The following PPFIA1 variants were observed in gnomAD, a reference collection of about 807,000 sequenced individuals.
PPFIA1 encodes the protein PPFI scaffold protein A1, also known as liprin-alpha-1.
PPFIA1 carries 25 observed loss-of-function variants against 149.9 expected under a neutral mutation model. That is an observed-to-expected ratio of 0.17 (90% CI 0.12 to 0.23). The LOEUF (loss-of-function observed/expected upper bound fraction) is 0.23, where lower values mean the gene tolerates loss of function less well. PPFIA1 is among the 10% of genes least tolerant of loss of function. The pLI is 1.00. For synonymous variants in PPFIA1, 549 were observed against 552.8 expected (o/e 0.99, Z 0.10); for missense variants, 1,362 against 1,506.5 (o/e 0.90, Z 1.59).
chr11:70,382,175 A>G lies in PPFIA1; in HGVS notation c.*12+17A>G. 1 of 1,603,708 alleles carries G rather than the reference A, an allele frequency of 6.2e-7. No individual in the cohort carries two copies. The highest frequency in any genetic ancestry group is 8.5e-7 in the Non-Finnish European group (1 of 1,172,130). ...CTCCTGTTGGTGAGTAGAGAGCACCACAACCCCTAGAGATGGCTCAGAGGC... is the reference window on the plus strand; with the variant it reads ...CTCCTGTTGGTGAGTAGAGAGCACCGCAACCCCTAGAGATGGCTCAGAGGC... On this transcript the variant is annotated intron_variant, in intron 27 of 27. Transcript: ENST00000253925.
chr11:70,309,581 A>G (rs1005518683), intron 2 of PPFIA1, among the ~76,000 whole-genome samples: 14 of 152,164 alleles, frequency 9.2e-5, no homozygotes, highest in African/African-American at 3.1e-4. Flanking sequence ...AGAATGATAA[A>G]AGTACAGGAA....
Position 70,338,383 on chromosome 11 carries a change from G to A in PPFIA1, c.1501G>A (p.Val501Ile), listed in dbSNP as rs1246013851. Reference sequence around the variant, plus strand: ...TTTTGCTTTTCTGTAGGATCAGCTTGTCCTAAACATTGAAGCACTGAGGGC... The same window carrying A: ...TTTTGCTTTTCTGTAGGATCAGCTTATCCTAAACATTGAAGCACTGAGGGC... ...EETQHDKDQL[V>I]LNIEALRAEL... Residue 501 changes from valine to isoleucine, a missense_variant, in exon 13 of 28, where the codon GTC (valine) becomes ATC (isoleucine). Physicochemically the swap from Val to Ile is conservative, Grantham distance 29. This residue lies in a region of PPFIA1 where 733 missense variants were observed against 744.1 expected (regional missense o/e 0.99). Transcript: ENST00000253925. The A allele has an allele frequency of 2.5e-6, 4 of 1,612,024 alleles. No homozygotes were observed. The highest frequency in any genetic ancestry group is 3.3e-5 in the Admixed American group (2 of 59,960).
chr11:70,279,354 C>T lies in PPFIA1; in HGVS notation c.264+6918C>T, dbSNP rs1032075992. Reference sequence around the variant, plus strand: ...GCAGAGAAAGGACTAATCAGACACACAGCAAGATCTCACCATCTACTCATT... The same window carrying T: ...GCAGAGAAAGGACTAATCAGACACATAGCAAGATCTCACCATCTACTCATT... On this transcript the variant is annotated intron_variant, in intron 2 of 27. Coordinates refer to ENST00000253925, the MANE Select transcript of PPFIA1 (RefSeq NM_003626.5). 1.1e-4 allele frequency: 21 copies of T among 198,240 alleles called. 1 individual carries two copies. The East Asian group carries it at 2.5e-3, about 24-fold the overall frequency. 12.3% of individuals were successfully genotyped at this position (198,240 alleles called of 1,614,324 possible).
At chr11:70,380,764 G>T (rs893613229) in intron 26 of PPFIA1, among the ~76,000 whole-genome samples, 1 of 151,832 alleles carries the variant, frequency 6.6e-6, no homozygotes, top group African/African-American at 2.4e-5. Flanking sequence ...AACCTAAAAG[G>T]TATAGGGAAT....
chr11:70,295,713 G>A (rs1333313027), intron 2 of PPFIA1, among the ~76,000 whole-genome samples: 5 of 149,390 alleles, frequency 3.3e-5, no homozygotes, highest in Non-Finnish European at 6.0e-5. Context: ...CCTCCCGGAC[G>A]GGGCGGCTGG....
chr11:70,329,765 C>T (rs1015170128), intron 7 of PPFIA1: 1 of 156,196 alleles, frequency 6.4e-6, no homozygotes, highest in Non-Finnish European at 1.4e-5. Flanking sequence ...TCTATTTCTA[C>T]AAAAAATTAA....
chr11:70,303,978 C>T (rs893368401), intron 2 of PPFIA1, among the ~76,000 whole-genome samples: 5 of 152,038 alleles, frequency 3.3e-5, no homozygotes, highest in Non-Finnish European at 5.9e-5. Flanking sequence ...TGCACTCCAG[C>T]CTGGGAGATA....
chr11:70,306,150 C>T (rs980472016), intron 2 of PPFIA1, among the ~76,000 whole-genome samples: 3 of 152,026 alleles, frequency 2.0e-5, no homozygotes, highest in Non-Finnish European at 4.4e-5. Flanking sequence ...AAAACATGCA[C>T]GCACACATGC....
intron 2 of PPFIA1, among the ~76,000 whole-genome samples, chr11:70,296,693 C>T (rs993060312): frequency 8.1e-6 from 1 of 123,948 alleles, no homozygotes; most frequent in Non-Finnish European, 1.7e-5. Flanking sequence ...AGAGGGAGAC[C>T]GTGGGGAGCG....
intron 8 of PPFIA1, among the ~76,000 whole-genome samples, chr11:70,330,594 G>T (rs1414353915): frequency 2.6e-5 from 4 of 152,214 alleles, no homozygotes; most frequent in African/African-American, 9.6e-5. Flanking sequence ...GCAGAGAGTG[G>T]CAAAGAACTT....
intron 9 of PPFIA1, 137 bp downstream of exon 9, chr11:70,332,231 T>C (rs1475435129): frequency 8.3e-6 from 9 of 1,081,696 alleles, no homozygotes; most frequent in Non-Finnish European, 1.1e-5. Flanking sequence ...GAGTGCTCTT[T>C]CATCTGAGAT....
At chr11:70,361,253 G>C (rs12273841) in intron 19 of PPFIA1, among the ~76,000 whole-genome samples, 6,555 of 152,190 alleles carry the variant, frequency 0.043, 514 homozygotes, top group African/African-American at 0.15. Flanking sequence ...TGGGGGATTG[G>C]TTCCAGGACC....
intron 2 of PPFIA1, among the ~76,000 whole-genome samples, chr11:70,279,905 A>ATTGTGTGTGTGTGTGTGTG (rs368563994): frequency 2.1e-5 from 3 of 144,862 alleles, no homozygotes; most frequent in Admixed American, 6.9e-5. Flanking sequence ...TGTGTGGGGG[A>ATTGTGTGTGTGTGTGTGTG]TGTGTGTGTG....
intron 21 of PPFIA1, among the ~76,000 whole-genome samples, chr11:70,367,166 T>A (rs1393231391): frequency 6.6e-6 from 1 of 152,204 alleles, no homozygotes; most frequent in Non-Finnish European, 1.5e-5. Context: ...GGTGGAAATA[T>A]AAACAAGACT....
intron 2 of PPFIA1, among the ~76,000 whole-genome samples, chr11:70,299,971 C>T (rs1485188456): frequency 6.6e-6 from 1 of 152,142 alleles, no homozygotes; most frequent in African/African-American, 2.4e-5. Flanking sequence ...TTGCTTAGCC[C>T]GGCTACCGAC....
chr11:70,368,306 GTTTAAA>G (rs1355724231), intron 21 of PPFIA1, among the ~76,000 whole-genome samples: 1 of 152,122 alleles, frequency 6.6e-6, no homozygotes, highest in East Asian at 1.9e-4. Context: ...AACATTCTTT[GTTTAAA>G]TTAGAGAATT....
chr11:70,313,608 T>G (rs540951105), intron 2 of PPFIA1, among the ~76,000 whole-genome samples: 1 of 152,174 alleles, frequency 6.6e-6, no homozygotes, highest in African/African-American at 2.4e-5. Flanking sequence ...CAGTGGTTAC[T>G]GTGGAGGAGG....
rs751474660 is a variant in PPFIA1 at position 70,374,995 on chromosome 11, A to G, written c.3217A>G (p.Ile1073Val). 5 of 1,613,986 alleles carry G rather than the reference A, an allele frequency of 3.1e-6. No homozygotes were observed. Among genetic ancestry groups the G allele is most frequent in the Non-Finnish European group, 4.2e-6 (5 of 1,179,984 alleles). The change falls in exon 24 of 28, where the codon ATA becomes GTA. Residue 1073 changes from isoleucine (I) to valine (V), a missense_variant. Ile to Val is a conservative substitution (Grantham distance 29, BLOSUM62 3). Transcript: ENST00000253925. Reference sequence around the variant, plus strand: ...CCTTAAAGAATATGCAAACAATCTTATAGAGAGTGGTGTTCACGGAGCACT... The same window carrying G: ...CCTTAAAGAATATGCAAACAATCTTGTAGAGAGTGGTGTTCACGGAGCACT... The part of the protein sequence containing the change: ...IGLKEYANNL[I>V]ESGVHGALLA...
At chr11:70,325,272 T>C in intron 4 of PPFIA1, 1 of 446,468 alleles carries the variant, frequency 2.2e-6, no homozygotes. Flanking sequence ...GCAATTACTT[T>C]TGCAACAACC....
Sources: gnomAD v4.1 joint callset for allele counts (sites outside exome capture counted in the v4.1 genomes callset) on GRCh38, gnomAD v4.1.1 for gene constraint, gnomAD v4.1.1 regional missense constraint, MANE v1.5 for transcripts, NCBI Gene and HGNC (gene_info 2026-07-23, HGNC 2026-07-21) for gene names.